The following FAN1 variants were observed in gnomAD, a reference collection of about 807,000 sequenced individuals.
FAN1 encodes the protein FANCD2 and FANCI associated nuclease 1.
FAN1 carries 91 observed loss-of-function variants against 104.9 expected under a neutral mutation model. That is an observed-to-expected ratio of 0.87 (90% confidence interval 0.73 to 1.03). The LOEUF (loss-of-function observed/expected upper bound fraction) is 1.03. FAN1 is among the 50% of genes least tolerant of loss of function. The pLI is 0.00. For missense variants in FAN1, 1,263 were observed against 1,239.9 expected, an observed-to-expected ratio of 1.02 and a Z score of -0.28; for synonymous variants, 478 against 457.6, an observed-to-expected ratio of 1.04 and a Z score of -0.57.
intron 10 of FAN1, chr15:30,926,826 C>A: frequency 2.0e-6 from 2 of 985,256 alleles, no homozygotes; most frequent in South Asian, 9.4e-5. Flanking sequence ...GATTCCTTTC[C>A]CAGAGTAGAA....
chr15:30,908,903 CT>C (rs2062038877), intron 3 of FAN1, among the ~76,000 whole-genome samples: 1 of 152,234 alleles, frequency 6.6e-6, no homozygotes, highest in African/African-American at 2.4e-5. Flanking sequence ...ACTCATCTTA[CT>C]CAGAGTCCTC....
chr15:30,910,683 A>C lies in FAN1; in HGVS notation c.1445A>C (p.Lys482Thr). ...LSAPELKSLA[K>T]TFHLVNPNGQ... ...GCTCCTGAACTAAAATCCCTAGCCA[A>C]GACCTTCCACTTGGTGAATCCCAAT... The change falls in exon 4 of 15, where the codon AAG becomes ACG. Residue 482 changes from lysine to threonine, a missense_variant. By Grantham distance (78) the Lys-to-Thr change is moderately conservative. Around this residue, in one of 2 missense-constraint regions of FAN1, gnomAD observed 682 missense variants for 571.1 expected, o/e 1.19. Transcript: ENST00000362065. The C allele has an allele frequency of 6.2e-7, 1 of 1,614,112 alleles. No individual in the cohort carries two copies. Among genetic ancestry groups the C allele is most frequent in the Non-Finnish European group, 8.5e-7 (1 of 1,179,996 alleles).
chr15:30,922,167 C>T (rs1375680383), intron 7 of FAN1, 68 bp from the exon 8 acceptor site: 5 of 1,564,872 alleles, frequency 3.2e-6, no homozygotes, highest in Non-Finnish European at 4.3e-6. Flanking sequence ...ATCCTATGGG[C>T]TTGTAAATAT....
intron 4 of FAN1, among the ~76,000 whole-genome samples, chr15:30,913,573 G>C (rs1356270016): frequency 1.3e-5 from 2 of 152,132 alleles, no homozygotes; most frequent in Admixed American, 1.3e-4. Context: ...AAGTTTTCCT[G>C]GTATTTGAAG....
Position 30,905,181 on chromosome 15 carries a change from A to C in FAN1, c.518A>C (p.Asp173Ala). 6.2e-7 allele frequency: 1 copy of C among 1,613,764 alleles called. No individual in the cohort carries two copies. Among genetic ancestry groups the C allele is most frequent in the South Asian group, 1.1e-5 (1 of 91,078 alleles). Reference sequence around the variant, plus strand: ...AAGGCTAAAAAATCAATAGATAAGGATGAAGAATTTGCCGGTTCTAGTCCA... The same window carrying C: ...AAGGCTAAAAAATCAATAGATAAGGCTGAAGAATTTGCCGGTTCTAGTCCA... ...YVKAKKSIDK[D>A]EEFAGSSPQS... The change falls in exon 2 of 15, where the codon GAT becomes GCT. Residue 173 changes from aspartate to alanine, a missense_variant. By Grantham distance (126) the Asp-to-Ala change is moderately radical (BLOSUM62 -2). Coordinates refer to ENST00000362065, the MANE Select transcript of FAN1 (RefSeq NM_014967.5).
At chr15:30,923,025 C>G (rs1012928319) in intron 8 of FAN1, among the ~76,000 whole-genome samples, 2 of 152,220 alleles carry the variant, frequency 1.3e-5, no homozygotes, top group Non-Finnish European at 2.9e-5. Context: ...CCCTCCCTGT[C>G]TCTATTCCAG....
chr15:30,929,077 C>A, intron 11 of FAN1, 126 bp from the exon 12 acceptor site: 1 of 860,526 alleles, frequency 1.2e-6, no homozygotes, highest in Non-Finnish European at 1.8e-6. Flanking sequence ...TTAACTTTTA[C>A]TTATCTTTTG....
At chr15:30,908,541 G>T (rs1259835738) in intron 3 of FAN1, among the ~76,000 whole-genome samples, 1 of 152,148 alleles carries the variant, frequency 6.6e-6, no homozygotes, top group Admixed American at 6.5e-5. Context: ...ACATGGGTGT[G>T]TGCCACAGAA....
chr15:30,940,232 ACC>A, intron 14 of FAN1: 3 of 985,336 alleles, frequency 3.0e-6, no homozygotes, highest in Non-Finnish European at 3.6e-6. Context: ...TTCAGCTTTG[ACC>A]GCTACAGTGG....
intron 5 of FAN1, among the ~76,000 whole-genome samples, chr15:30,916,545 G>A (rs972681242): frequency 7.9e-5 from 12 of 152,192 alleles, no homozygotes; most frequent in African/African-American, 2.9e-4. Flanking sequence ...GTTAAGCAGA[G>A]AGCCTTAAGA....
chr15:30,926,186 G>C (rs2062457959), intron 10 of FAN1, among the ~76,000 whole-genome samples: 2 of 152,212 alleles, frequency 1.3e-5, no homozygotes, highest in South Asian at 2.1e-4. Flanking sequence ...AGTTATGGAA[G>C]GTACTGCACA....
At chr15:30,938,450 T>G (rs975783394) in intron 14 of FAN1, among the ~76,000 whole-genome samples, 1 of 152,166 alleles carries the variant, frequency 6.6e-6, no homozygotes, top group African/African-American at 2.4e-5. Flanking sequence ...GAATGAAGTC[T>G]TTATCAGAGG....
intron 8 of FAN1, among the ~76,000 whole-genome samples, chr15:30,922,864 G>A (rs2062367718): frequency 6.6e-6 from 1 of 152,246 alleles, no homozygotes; most frequent in African/African-American, 2.4e-5. Flanking sequence ...GTTTGACCTT[G>A]AGCAGGCACC....
intron 14 of FAN1, among the ~76,000 whole-genome samples, chr15:30,938,506 T>C (rs568806300): frequency 6.6e-6 from 1 of 152,210 alleles, no homozygotes; most frequent in African/African-American, 2.4e-5. Flanking sequence ...CCCTAATAAC[T>C]AGATAGGGGT....
In FAN1 at chr15:30,905,552, G is replaced by A; in HGVS notation, c.889G>A (p.Glu297Lys). 2.5e-6 allele frequency: 4 copies of A among 1,613,936 alleles called. No individual in the cohort carries two copies. In the South Asian group the frequency reaches 4.4e-5, roughly 18 times the overall value. The change falls in exon 2 of 15, where the codon GAG becomes AAG. Residue 297 changes from glutamate to lysine, a missense_variant. Coordinates refer to ENST00000362065, the MANE Select transcript of FAN1 (RefSeq NM_014967.5). ...TATCAAAGAAGTGGTTGAAAAACGT[G>A]AGGCATGTCATTGTGAAGAAGTAAA... Reference protein sequence around the residue: ...ECIKEVVEKREACHCEEVKMT... With the variant: ...ECIKEVVEKRKACHCEEVKMT...
intron 14 of FAN1, chr15:30,939,010 T>C (rs1210999129): frequency 1.0e-6 from 1 of 985,210 alleles, no homozygotes; most frequent in Non-Finnish European, 1.2e-6. Flanking sequence ...AACAACAAGA[T>C]AACACATCTT....
chr15:30,924,023 G>A (rs181085463), intron 8 of FAN1, among the ~76,000 whole-genome samples: 7 of 152,250 alleles, frequency 4.6e-5, no homozygotes, highest in Admixed American at 4.6e-4. Context: ...CCCTGGCGAC[G>A]ACGTCTCATC....
chr15:30,906,993 A>G (rs780148291), intron 2 of FAN1, among the ~76,000 whole-genome samples: 2 of 151,822 alleles, frequency 1.3e-5, no homozygotes, highest in Non-Finnish European at 2.9e-5. Context: ...CTGCATATGC[A>G]TGTGTCTTGC....
At position 30,913,989 on chromosome 15, in the gene FAN1, A is replaced by C; in HGVS notation, c.1709A>C (p.Gln570Pro). ...DEDAACGGQG[Q>P]LSTVLLVNLG... Reference sequence around the variant, plus strand: ...GACGCCGCTTGTGGAGGTCAGGGACAGCTTTCAACAGTCCTGTTGGTCAAC... The same window carrying C: ...GACGCCGCTTGTGGAGGTCAGGGACCGCTTTCAACAGTCCTGTTGGTCAAC... The change falls in exon 5 of 15, where the codon CAG becomes CCG. Residue 570 changes from glutamine to proline, a missense_variant. Gln to Pro is a moderately conservative substitution (Grantham distance 76). Coordinates refer to ENST00000362065, the MANE Select transcript of FAN1 (RefSeq NM_014967.5). 1 of 1,614,166 alleles carries C rather than the reference A, an allele frequency of 6.2e-7. No individual in the cohort carries two copies. Among genetic ancestry groups the C allele is most frequent in the Non-Finnish European group, 8.5e-7 (1 of 1,179,998 alleles).
Sources: allele counts gnomAD v4.1 joint callset (sites outside exome capture counted in the v4.1 genomes callset), GRCh38; gene constraint gnomAD v4.1.1; regional missense constraint gnomAD v4.1.1; transcripts MANE v1.5; gene names NCBI Gene and HGNC (gene_info 2026-07-23, HGNC 2026-07-21).